The following EFCAB13 variants were observed in gnomAD, a reference collection of about 807,000 sequenced individuals.
EFCAB13 encodes EF-hand calcium-binding domain-containing protein 13.
EFCAB13 carries 91 observed loss-of-function variants against 110.2 expected under a neutral mutation model. The ratio of observed to expected loss-of-function variants is 0.83; its 90% CI spans 0.70 to 0.98. The LOEUF is 0.98. Among genes scored for constraint, EFCAB13 ranks in the 50% least tolerant of loss-of-function variants. The pLI is 0.00. For synonymous variants in EFCAB13, 323 were observed against 369.9 expected, an observed-to-expected ratio of 0.87 and a Z score of 1.45; for missense variants, 968 against 1,119.4, an observed-to-expected ratio of 0.86 and a Z score of 1.93.
At chr17:47,330,913 TC>T (rs1319180209) in intron 4 of EFCAB13, among the ~76,000 whole-genome samples, 5 of 151,890 alleles carry the variant, frequency 3.3e-5, no homozygotes, top group Non-Finnish European at 7.4e-5. Context: ...ATTTACATCA[TC>T]CCATCTGCAC....
chr17:47,327,550 C>T (rs148690811), intron 3 of EFCAB13, among the ~76,000 whole-genome samples: 9,047 of 151,738 alleles, frequency 0.06, 346 homozygotes, highest in Admixed American at 0.085. Context: ...CTCCGCCTCC[C>T]AGATTCAAGC....
chr17:47,387,394 A>C (rs2065682169), intron 14 of EFCAB13, among the ~76,000 whole-genome samples: 1 of 152,108 alleles, frequency 6.6e-6, no homozygotes, highest in East Asian at 1.9e-4. Context: ...TCCATTACTG[A>C]GAATGGTGTG....
intron 9 of EFCAB13, among the ~76,000 whole-genome samples, chr17:47,351,391 T>A (rs963504207): frequency 6.6e-6 from 1 of 152,050 alleles, no homozygotes; most frequent in Non-Finnish European, 1.5e-5. Flanking sequence ...TCTTTGCTAT[T>A]GTGGATTGTG....
intron 9 of EFCAB13, among the ~76,000 whole-genome samples, chr17:47,360,886 G>A (rs920033578): frequency 6.6e-6 from 1 of 151,714 alleles, no homozygotes; most frequent in Non-Finnish European, 1.5e-5. Flanking sequence ...TTTTAAGGAA[G>A]TTTTTTTTGT....
chr17:47,420,389 C>A (rs1330822992), intron 23 of EFCAB13, among the ~76,000 whole-genome samples: 1 of 152,230 alleles, frequency 6.6e-6, no homozygotes, highest in Non-Finnish European at 1.5e-5. Flanking sequence ...AAGTGAGGAG[C>A]GTCTCTGCCT....
intron 14 of EFCAB13, 123 bp downstream of exon 14, chr17:47,379,376 A>G: frequency 1.5e-6 from 1 of 665,242 alleles, no homozygotes; most frequent in Non-Finnish European, 2.6e-6. Flanking sequence ...CTCTTAGGCA[A>G]GTCAGTTGCC....
At position 47,395,850 on chromosome 17, in the gene EFCAB13, T is replaced by G; in HGVS notation, c.1818T>G (p.Ile606Met). The change falls in exon 17 of 25, where the codon ATT becomes ATG. Residue 606 changes from isoleucine (I) to methionine (M), a missense_variant. Coordinates refer to ENST00000331493, the MANE Select transcript of EFCAB13 (RefSeq NM_152347.5). Reference protein sequence around the residue: ...FSEKLVLPDAIETLDDLRKET... With the variant: ...FSEKLVLPDAMETLDDLRKET... Reference sequence around the variant, plus strand: ...ACCCTTTAGTATTGCCTGATGCTATTGAAACCCTCGACGATCTCAGAAAGG... The same window carrying G: ...ACCCTTTAGTATTGCCTGATGCTATGGAAACCCTCGACGATCTCAGAAAGG... 1 of 1,608,658 alleles carries G rather than the reference T, an allele frequency of 6.2e-7. No homozygotes were observed. The highest frequency in any genetic ancestry group is 8.5e-7 in the Non-Finnish European group (1 of 1,176,566).
rs1465598498 is a variant in EFCAB13 at position 47,417,752 on chromosome 17, A to G, written c.2494+2833A>G. Among the ~76,000 whole-genome samples the G allele has an allele frequency of 2.6e-5, 4 of 152,150 alleles. No homozygotes were observed. The East Asian group carries it at 7.7e-4, about 29-fold the overall frequency. On this transcript the variant is annotated intron_variant, in intron 23 of 24. Coordinates refer to ENST00000331493, the MANE Select transcript of EFCAB13 (RefSeq NM_152347.5). ...TTTAGCTCTGTTATAAATCCTGTGCAGTCATGCACAACATCTGGACACAGC... is the reference window on the plus strand; with the variant it reads ...TTTAGCTCTGTTATAAATCCTGTGCGGTCATGCACAACATCTGGACACAGC...
intron 23 of EFCAB13, chr17:47,423,668 G>GGGT (rs1904808516): frequency 2.3e-6 from 1 of 433,122 alleles, no homozygotes. Context: ...GCGGCGCGCG[G>GGGT]GGTCCGCACG....
At chr17:47,407,957 A>G (rs1809057274) in intron 20 of EFCAB13, among the ~76,000 whole-genome samples, 1 of 152,168 alleles carries the variant, frequency 6.6e-6, no homozygotes, top group South Asian at 2.1e-4. Flanking sequence ...TCTATGTGTT[A>G]TATGTGCCCA....
intron 5 of EFCAB13, among the ~76,000 whole-genome samples, chr17:47,337,520 TTTAC>T (rs1328790306): frequency 6.6e-6 from 1 of 152,188 alleles, no homozygotes; most frequent in Non-Finnish European, 1.5e-5. Context: ...GACAAATGTT[TTTAC>T]TTATTCATTA....
rs151025397 is a variant in EFCAB13 at position 47,361,503 on chromosome 17, A to G, written c.787A>G (p.Lys263Glu). ...CCGTGAAATTTTAGAAGAAGTGACA[A>G]AACATACCTATATTGACAGTGAGTT... Reference protein sequence around the residue: ...INREILEEVTKHTYIDSNHMV... With the variant: ...INREILEEVTEHTYIDSNHMV... Residue 263 changes from lysine to glutamate, a missense_variant, in exon 10 of 25, where the codon AAA (lysine) becomes GAA (glutamate). By Grantham distance (56) the Lys-to-Glu change is moderately conservative. Coordinates refer to ENST00000331493, the MANE Select transcript of EFCAB13 (RefSeq NM_152347.5). 8.2e-6 allele frequency: 13 copies of G among 1,585,168 alleles called. No individual in the cohort carries two copies. The highest frequency in any genetic ancestry group is 4.5e-5 in the East Asian group (2 of 44,568).
At position 47,347,949 on chromosome 17, in the gene EFCAB13, A is replaced by T; in HGVS notation, c.659A>T (p.Asp220Val). Residue 220 changes from aspartate (D) to valine (V), a missense_variant and splice_region_variant, in exon 9 of 25, where the codon GAT (aspartate) becomes GTT (valine). Coordinates refer to ENST00000331493, the MANE Select transcript of EFCAB13 (RefSeq NM_152347.5). Reference protein sequence around the residue: ...MRQALKTVDIDAFQDALKIFC... With the variant: ...MRQALKTVDIVAFQDALKIFC... ...CAGGCACTAAAGACTGTTGATATTG[A>T]TGGTAAGTTTTATCTTTTCAGTATT... is the stretch of plus-strand genomic sequence containing the variant. The T allele has an allele frequency of 1.4e-6, 2 of 1,462,764 alleles. No homozygotes were observed. Among genetic ancestry groups the T allele is most frequent in the Non-Finnish European group, 1.8e-6 (2 of 1,091,850 alleles). The allele number at this position is 1,462,764 out of a possible 1,614,324, so 90.6% of individuals were successfully genotyped here. A position where few individuals can be genotyped will look rare whatever the true frequency, so the allele number is the denominator to read the frequency against.
intron 14 of EFCAB13, among the ~76,000 whole-genome samples, chr17:47,386,764 A>G (rs917025362): frequency 6.6e-6 from 1 of 152,146 alleles, no homozygotes; most frequent in Non-Finnish European, 1.5e-5. Context: ...CTGGTGGTGT[A>G]GGCACGCGAA....
intron 17 of EFCAB13, among the ~76,000 whole-genome samples, chr17:47,399,553 C>T (rs1042488585): frequency 2.0e-5 from 3 of 151,806 alleles, no homozygotes; most frequent in African/African-American, 4.8e-5. Flanking sequence ...AAGTGAACTG[C>T]TGAAACAGCT....
Position 47,391,549 on chromosome 17 carries a change from TAAG to T in EFCAB13, c.1700_1702del (p.Lys567del). 3 of 1,592,582 alleles carry T rather than the reference TAAG, an allele frequency of 1.9e-6. No homozygotes were observed. Among genetic ancestry groups the T allele is most frequent in the Non-Finnish European group, 8.5e-7 (1 of 1,172,120 alleles). On this transcript the variant is annotated inframe_deletion, in exon 15 of 25. Coordinates refer to ENST00000331493, the MANE Select transcript of EFCAB13 (RefSeq NM_152347.5). ...GTATTTACCTTTCTAAGCCAGAATT[TAAG>T]AAGATCACAGAACTGACTGAAGCTG...
At chr17:47,411,775 G>T (rs1329930737) in intron 21 of EFCAB13, among the ~76,000 whole-genome samples, 1 of 152,172 alleles carries the variant, frequency 6.6e-6, no homozygotes, top group Non-Finnish European at 1.5e-5. Flanking sequence ...GGTTGAGGGA[G>T]AAATTGATTG....
chr17:47,404,970 A>C (rs1467971031), intron 20 of EFCAB13, among the ~76,000 whole-genome samples: 1 of 152,170 alleles, frequency 6.6e-6, no homozygotes, highest in Non-Finnish European at 1.5e-5. Flanking sequence ...ATAAAGTGCA[A>C]GTCTCTTGTA....
chr17:47,439,263 G>A (rs549047829), intron 24 of EFCAB13, among the ~76,000 whole-genome samples: 1 of 132,082 alleles, frequency 7.6e-6, no homozygotes, highest in South Asian at 2.6e-4. Context: ...TGCAACCTCC[G>A]CCTTGAAGGT....
Sources: gnomAD v4.1 joint callset for allele counts (sites outside exome capture counted in the v4.1 genomes callset) on GRCh38, gnomAD v4.1.1 for gene constraint, MANE v1.5 for transcripts, NCBI Gene and HGNC (gene_info 2026-07-23, HGNC 2026-07-21) for gene names.